The following CSMD1 variants were observed in gnomAD, a reference collection of about 807,000 sequenced individuals.
The protein encoded by CSMD1 is CUB and sushi domain-containing protein 1.
A neutral mutation model predicts 417.5 loss-of-function variants in CSMD1; 213 were observed. The observed-to-expected ratio is 0.51, with a 90% CI of 0.46 to 0.57. The LOEUF (loss-of-function observed/expected upper bound fraction) is 0.57, where lower values mean the gene tolerates loss of function less well. Ranked by LOEUF, CSMD1 falls within the 20% of genes least tolerant of loss-of-function variation. The pLI is 0.00. For missense variants in CSMD1, 6,923 were observed against 4,529.7 expected, an observed-to-expected ratio of 1.53 and a Z score of -15.17; for synonymous variants, 2,862 against 1,736.8, an observed-to-expected ratio of 1.65 and a Z score of -16.11.
intron 3 of CSMD1, among the ~76,000 whole-genome samples, chr8:4,115,846 C>T (rs956660162): frequency 6.6e-6 from 1 of 152,002 alleles, no homozygotes; most frequent in Admixed American, 6.6e-5. Context: ...AAGGTACATA[C>T]TGCATGATCC....
At chr8:3,344,146 G>A (rs1023577398) in intron 22 of CSMD1, among the ~76,000 whole-genome samples, 3 of 152,234 alleles carry the variant, frequency 2.0e-5, no homozygotes, top group Admixed American at 6.5e-5. Context: ...CCAGCCGGGA[G>A]AGGGAAGGTT....
At chr8:3,866,522 C>T (rs1465076906) in intron 5 of CSMD1, among the ~76,000 whole-genome samples, 1 of 152,186 alleles carries the variant, frequency 6.6e-6, no homozygotes, top group Non-Finnish European at 1.5e-5. Flanking sequence ...GCATCATGAT[C>T]TAATGTGTAC....
rs75897070 is a variant in CSMD1 at position 3,077,293 on chromosome 8, G to C, written c.7474+9804C>G. On this transcript the variant is annotated intron_variant, in intron 49 of 69. Coordinates refer to ENST00000635120, the MANE Select transcript of CSMD1 (RefSeq NM_033225.6). ...GCCAAGACATGGACAAAAGGCCACA[G>C]TGGGTGCCTAGGTCCCCCCAAGACA... Among the ~76,000 whole-genome samples, 866 of 152,312 alleles carry C rather than the reference G, an allele frequency of 5.7e-3. 17 individuals carry two copies. Among genetic ancestry groups the C allele is most frequent in the Non-Finnish European group, 3.6e-3 (242 of 68,030 alleles).
chr8:3,822,638 T>C (rs1801802951), intron 5 of CSMD1, among the ~76,000 whole-genome samples: 1 of 152,184 alleles, frequency 6.6e-6, no homozygotes, highest in Non-Finnish European at 1.5e-5. Context: ...CTACTTGCTT[T>C]ATTACATTCC....
At chr8:4,082,279 A>C (rs1417220620) in intron 3 of CSMD1, among the ~76,000 whole-genome samples, 1 of 152,204 alleles carries the variant, frequency 6.6e-6, no homozygotes, top group Non-Finnish European at 1.5e-5. Flanking sequence ...AACACAAGGT[A>C]GAATATCTGA....
chr8:3,980,035 T>C (rs73180006), intron 5 of CSMD1, among the ~76,000 whole-genome samples: 35,768 of 152,128 alleles, frequency 0.24, 4,305 homozygotes, highest in East Asian at 0.4. Context: ...TGGCAATGGT[T>C]CAATTATTTT....
chr8:3,252,224 G>T (rs1800326826), intron 26 of CSMD1, among the ~76,000 whole-genome samples: 1 of 152,154 alleles, frequency 6.6e-6, no homozygotes, highest in African/African-American at 2.4e-5. Flanking sequence ...TTATTATTTT[G>T]AAATACGTCC....
At chr8:3,760,925 A>G (rs890737634) in intron 5 of CSMD1, among the ~76,000 whole-genome samples, 2 of 151,954 alleles carry the variant, frequency 1.3e-5, no homozygotes, top group Non-Finnish European at 2.9e-5. Flanking sequence ...TTTTGTGTCA[A>G]TTTGGGCAGA....
chr8:3,222,817 A>C (rs546653134), intron 28 of CSMD1, among the ~76,000 whole-genome samples: 3 of 152,184 alleles, frequency 2.0e-5, no homozygotes, highest in African/African-American at 7.2e-5. Flanking sequence ...CTATCAACCA[A>C]CTTAAGATTC....
intron 7 of CSMD1, among the ~76,000 whole-genome samples, chr8:3,682,792 T>G (rs1486744403): frequency 6.6e-6 from 1 of 152,154 alleles, no homozygotes; most frequent in Non-Finnish European, 1.5e-5. Context: ...GGATCCAACC[T>G]AAATGTCCAA....
At chr8:4,258,186 C>G (rs1195290987) in intron 3 of CSMD1, among the ~76,000 whole-genome samples, 2 of 150,220 alleles carry the variant, frequency 1.3e-5, no homozygotes, top group African/African-American at 4.9e-5. Flanking sequence ...CTCAAGCAAT[C>G]TTCCTGGCTT....
At chr8:4,971,184 A>C (rs4593565) in intron 1 of CSMD1, among the ~76,000 whole-genome samples, 103,227 of 151,760 alleles carry the variant, frequency 0.68, 35,765 homozygotes, top group Middle Eastern at 0.81. Context: ...ACTCAAAAAC[A>C]AAGCATATGC....
At chr8:3,371,408 C>T (rs554676144) in intron 18 of CSMD1, among the ~76,000 whole-genome samples, 9 of 151,420 alleles carry the variant, frequency 5.9e-5, no homozygotes, top group African/African-American at 2.2e-4. Context: ...AAGGAGCTCA[C>T]AATAGTGTCT....
At chr8:4,909,593 G>A (rs76147619) in intron 1 of CSMD1, among the ~76,000 whole-genome samples, 9 of 152,188 alleles carry the variant, frequency 5.9e-5, no homozygotes, top group Non-Finnish European at 1.0e-4. Flanking sequence ...GGATATTCCT[G>A]GAATTTTCAC....
At chr8:4,888,877 A>C (rs1213289580) in intron 1 of CSMD1, among the ~76,000 whole-genome samples, 1 of 152,138 alleles carries the variant, frequency 6.6e-6, no homozygotes. Flanking sequence ...AATAATAGCA[A>C]AGATTTGTAA....
At chr8:3,248,848 T>A (rs79693896) in intron 26 of CSMD1, among the ~76,000 whole-genome samples, 2,484 of 152,166 alleles carry the variant, frequency 0.016, 122 homozygotes, top group East Asian at 0.14. Flanking sequence ...AATCTTAGGT[T>A]AAATACCACA....
intron 1 of CSMD1, among the ~76,000 whole-genome samples, chr8:4,717,332 C>CACACATATATATACACACACATATAT: frequency 1.0e-5 from 1 of 100,374 alleles, no homozygotes. Context: ...TATATACACA[C>CACACATATATATACACACACATATAT]ACACACGTAT....
chr8:3,636,183 C>G (rs1269742970), intron 7 of CSMD1, among the ~76,000 whole-genome samples: 2 of 152,192 alleles, frequency 1.3e-5, no homozygotes, highest in South Asian at 4.1e-4. Context: ...CTTCTTCCAT[C>G]TTTGCATCTT....
intron 3 of CSMD1, among the ~76,000 whole-genome samples, chr8:4,152,171 G>A (rs1280013189): frequency 2.0e-5 from 3 of 152,120 alleles, no homozygotes; most frequent in Non-Finnish European, 2.9e-5. Flanking sequence ...TTATAAAACT[G>A]TAGCTAACAT....
Sources: gnomAD v4.1 joint callset for allele counts (sites outside exome capture counted in the v4.1 genomes callset) on GRCh38, gnomAD v4.1.1 for gene constraint, MANE v1.5 for transcripts, NCBI Gene and HGNC (gene_info 2026-07-23, HGNC 2026-07-21) for gene names.